NKTR: variants seen among roughly 807,000 people sequenced by gnomAD.
NKTR encodes the protein natural killer cell triggering receptor, also known as NK-tumor recognition protein.
Under a neutral mutation model 156.3 loss-of-function variants are expected in NKTR, and 67 were observed. The observed-to-expected ratio is 0.43, with a 90% CI of 0.35 to 0.53. The LOEUF is 0.53. Ranked by LOEUF, NKTR falls within the 20% of genes least tolerant of loss-of-function variation. The pLI is 0.01. For missense variants in NKTR, 1,604 were observed against 1,730.9 expected (o/e 0.93, Z 1.30); for synonymous variants, 640 against 596.6 (o/e 1.07, Z -1.06).
chr3:42,633,735 C>T lies in NKTR; in HGVS notation c.929C>T (p.Pro310Leu), dbSNP rs201338159. The change falls in exon 10 of 17, where the codon CCG becomes CTG. Residue 310 changes from proline (P) to leucine (L), a missense_variant and splice_region_variant. Physicochemically the swap from Pro to Leu is moderately conservative, Grantham distance 98 (BLOSUM62 -3). Around this residue, in one of 6 missense-constraint regions of NKTR, gnomAD observed 1,255 missense variants for 1,243.7 expected, o/e 1.01. Coordinates refer to ENST00000232978, the MANE Select transcript of NKTR (RefSeq NM_005385.4). Reference sequence around the variant, plus strand: ...CCTGTTGTTACTGCAGAACCTGAACCGTAAGTAGGATGACTAAACTATTTA... The same window carrying T: ...CCTGTTGTTACTGCAGAACCTGAACTGTAAGTAGGATGACTAAACTATTTA... ...DMPVVTAEPEPKIPDVAPIVS... is the reference protein window; with the variant it reads ...DMPVVTAEPELKIPDVAPIVS... 7.1e-5 allele frequency: 115 copies of T among 1,613,802 alleles called. No individual in the cohort carries two copies. The African/African-American group carries it at 1.2e-3, about 17-fold the overall frequency.
At chr3:42,632,500 G>T in intron 8 of NKTR, 101 bp from the exon 9 acceptor site, 1 of 686,238 alleles carries the variant, frequency 1.5e-6, no homozygotes, top group African/African-American at 1.8e-5. Flanking sequence ...TTTGTTTGCT[G>T]TATGTAAAGC....
intron 2 of NKTR, among the ~76,000 whole-genome samples, chr3:42,610,949 A>C (rs922912290): frequency 8.5e-5 from 13 of 152,094 alleles, no homozygotes; most frequent in Non-Finnish European, 1.9e-4. Flanking sequence ...TCTGTATACT[A>C]TCTTATAATT....
In NKTR at chr3:42,646,002, A is replaced by G. The variant is rs1710328801; in HGVS notation, c.*27A>G. On this transcript the variant is annotated 3_prime_UTR_variant, in exon 17 of 17. Transcript: ENST00000232978. ...AACGTCCGGATACAAATTATATCTT[A>G]TTTGTAAATATCTGGCAACTTAGCT... 4 of 1,511,322 alleles carry G rather than the reference A, an allele frequency of 2.6e-6. No individual in the cohort carries two copies. The East Asian group carries it at 9.0e-5, about 34-fold the overall frequency. The allele number at this position is 1,511,322 out of a possible 1,614,324, so 93.6% of individuals were successfully genotyped here. A position where few individuals can be genotyped will look rare whatever the true frequency, so the allele number is the denominator to read the frequency against.
chr3:42,603,595 T>C (rs1246406013), intron 2 of NKTR, among the ~76,000 whole-genome samples: 1 of 152,170 alleles, frequency 6.6e-6, no homozygotes, highest in Non-Finnish European at 1.5e-5. Context: ...GAACGCCGAA[T>C]CATATAAAAC....
intron 12 of NKTR, among the ~76,000 whole-genome samples, chr3:42,635,675 T>G (rs1709332072): frequency 6.6e-6 from 1 of 151,746 alleles, no homozygotes; most frequent in East Asian, 1.9e-4. Flanking sequence ...ATCCCAGCAC[T>G]TTGGGAGGCC....
rs775770377 is a variant in NKTR, at chr3:42,632,588, T to C, written c.551-13T>C. ...AATTTAGTACTAATGTTTTTATTAA[T>C]GTTTCTTAAAAGTTTTTGAGAAAAA... On this transcript the variant is annotated splice_polypyrimidine_tract_variant and intron_variant, in intron 8 of 16. Transcript: ENST00000232978. 2 of 1,546,994 alleles carry C rather than the reference T, an allele frequency of 1.3e-6. No individual in the cohort carries two copies. Among genetic ancestry groups the C allele is most frequent in the Admixed American group, 3.7e-5 (2 of 54,708 alleles).
chr3:42,623,244 AAATTAC>A (rs1204884719), intron 6 of NKTR, among the ~76,000 whole-genome samples: 1 of 152,114 alleles, frequency 6.6e-6, no homozygotes, highest in Non-Finnish European at 1.5e-5. Context: ...TTGAATCAAT[AAATTAC>A]AATTATAATT....
At position 42,631,151 on chromosome 3, in the gene NKTR, T is replaced by C. The variant is rs1334128256; in HGVS notation, c.405-20T>C. Reference sequence around the variant, plus strand: ...GCTTAATTATCAAACCAGTTGTTTCTTGAATTTGTATTATGACAGGGTGCA... The same window carrying C: ...GCTTAATTATCAAACCAGTTGTTTCCTGAATTTGTATTATGACAGGGTGCA... On this transcript the variant is annotated intron_variant, in intron 7 of 16. Transcript: ENST00000232978. 2 of 1,611,718 alleles carry C rather than the reference T, an allele frequency of 1.2e-6. No individual in the cohort carries two copies. Among genetic ancestry groups the C allele is most frequent in the Non-Finnish European group, 1.7e-6 (2 of 1,178,724 alleles).
At chr3:42,607,679 T>G (rs932374047) in intron 2 of NKTR, among the ~76,000 whole-genome samples, 6 of 152,104 alleles carry the variant, frequency 3.9e-5, no homozygotes, top group African/African-American at 1.4e-4. Flanking sequence ...TGAGTAAAAT[T>G]TGATATAGCC....
intron 9 of NKTR, chr3:42,633,375 A>C: frequency 2.2e-6 from 3 of 1,352,992 alleles, no homozygotes; most frequent in Non-Finnish European, 2.8e-6. Flanking sequence ...AGTTAGGATC[A>C]TTTAACAATT....
At chr3:42,605,714 A>G (rs1039776778) in intron 2 of NKTR, among the ~76,000 whole-genome samples, 5 of 152,188 alleles carry the variant, frequency 3.3e-5, no homozygotes, top group Non-Finnish European at 7.4e-5. Flanking sequence ...CTCCGCTCTC[A>G]AGGTCACCCT....
Position 42,632,652 on chromosome 3 carries a change from C to A in NKTR, c.602C>A (p.Ser201Tyr). ...ACTCATTCAGAAGGCTCGGATTCCT[C>A]TTCCAATTCCTCCTCTTCTTCAGAA... is the stretch of plus-strand genomic sequence containing the variant. ...KPTHSEGSDS[S>Y]SNSSSSSESS... is the part of the protein sequence containing the mutation. Residue 201 changes from serine (S) to tyrosine (Y), a missense_variant, in exon 9 of 17, where the codon TCT becomes TAT. Around this residue, in one of 6 missense-constraint regions of NKTR, gnomAD observed 1,255 missense variants for 1,243.7 expected, o/e 1.01. Coordinates refer to ENST00000232978, the MANE Select transcript of NKTR (RefSeq NM_005385.4). 1 of 1,613,968 alleles carries A rather than the reference C, an allele frequency of 6.2e-7. No homozygotes were observed. Among genetic ancestry groups the A allele is most frequent in the Non-Finnish European group, 8.5e-7 (1 of 1,179,948 alleles).
chr3:42,637,804 A>C lies in NKTR; in HGVS notation c.2100A>C (p.Arg700Ser), dbSNP rs1709555252. 1 of 1,613,966 alleles carries C rather than the reference A, an allele frequency of 6.2e-7. No homozygotes were observed. The highest frequency in any genetic ancestry group is 8.5e-7 in the Non-Finnish European group (1 of 1,179,958). ...PRSRSRSSRS[R>S]SYSRSYTRSR... ...CAAGGAGCAGATCTTCTAGGAGTAG[A>C]TCTTATTCCAGATCATATACAAGAT... Residue 700 changes from arginine to serine, a missense_variant, in exon 13 of 17, where the codon AGA becomes AGC. By Grantham distance (110) the Arg-to-Ser change is moderately radical. Around this residue, in one of 6 missense-constraint regions of NKTR, gnomAD observed 1,255 missense variants for 1,243.7 expected, o/e 1.01. Transcript: ENST00000232978.
At chr3:42,624,839 G>T (rs1708227780) in intron 6 of NKTR, among the ~76,000 whole-genome samples, 3 of 152,060 alleles carry the variant, frequency 2.0e-5, no homozygotes, top group Admixed American at 1.3e-4. Flanking sequence ...ATTAATTCTG[G>T]CTGTAATTTT....
intron 14 of NKTR, 68 bp downstream of exon 14, chr3:42,642,664 AG>A (rs1379803213): frequency 4.6e-6 from 5 of 1,075,792 alleles, no homozygotes; most frequent in East Asian, 2.4e-5. Flanking sequence ...ACATAGGCAG[AG>A]GGGGTAGTTG....
Position 42,632,672 on chromosome 3 carries a change from T to C in NKTR, c.622T>C (p.Ser208Pro). Residue 208 changes from serine to proline, a missense_variant, in exon 9 of 17, where the codon TCA (serine) becomes CCA (proline). By Grantham distance (74) the Ser-to-Pro change is moderately conservative (BLOSUM62 -1). Transcript: ENST00000232978. ...TTCCTCTTCCAATTCCTCCTCTTCT[T>C]CAGAATCATCTTCAGAAAGTGAACT... is the stretch of plus-strand genomic sequence containing the variant. ...SDSSSNSSSS[S>P]ESSSESELEH... 6.2e-7 allele frequency: 1 copy of C among 1,613,932 alleles called. No homozygotes were observed. Among genetic ancestry groups the C allele is most frequent in the Non-Finnish European group, 8.5e-7 (1 of 1,179,906 alleles).
intron 16 of NKTR, 27 bp downstream of exon 16, chr3:42,644,030 T>C: frequency 6.5e-7 from 1 of 1,540,272 alleles, no homozygotes. Flanking sequence ...TATCGTCCTT[T>C]ATCGCACTGT....
Position 42,617,595 on chromosome 3 carries a change from C to T in NKTR, c.84C>T (p.Phe28=), listed in dbSNP as rs776243468. The change falls in exon 3 of 17, where the codon TTC becomes TTT. Residue 28 remains phenylalanine (F), a synonymous_variant. Transcript: ENST00000232978. ...EPVGRIMFQL[F]SDICPKTCKN... ...TTGGTCGCATTATGTTTCAGCTCTTCTCAGACATATGTCCAAAAACATGCA... is the reference window on the plus strand; with the variant it reads ...TTGGTCGCATTATGTTTCAGCTCTTTTCAGACATATGTCCAAAAACATGCA... 7.5e-6 allele frequency: 12 copies of T among 1,603,542 alleles called. No individual in the cohort carries two copies. The highest frequency in any genetic ancestry group is 1.0e-5 in the Non-Finnish European group (12 of 1,170,982).
chr3:42,639,335 A>G lies in NKTR; in HGVS notation c.3631A>G (p.Lys1211Glu), dbSNP rs1269725900. The change falls in exon 13 of 17, where the codon AAG becomes GAG. Residue 1211 changes from lysine to glutamate, a missense_variant. Lys to Glu is a moderately conservative substitution (Grantham distance 56). Coordinates refer to ENST00000232978, the MANE Select transcript of NKTR (RefSeq NM_005385.4). ...TAGTGCTGGAGAAAGTACCGGGAAG[A>G]AGGAGGTGGCTGAGAAGAGCCAGAT... ...LASAGESTGKKEVAEKSQINL... is the reference protein window; with the variant it reads ...LASAGESTGKEEVAEKSQINL... 3.1e-6 allele frequency: 5 copies of G among 1,614,042 alleles called. No homozygotes were observed. Among genetic ancestry groups the G allele is most frequent in the African/African-American group, 2.7e-5 (2 of 74,914 alleles).
Sources: allele counts gnomAD v4.1 joint callset (sites outside exome capture counted in the v4.1 genomes callset), GRCh38; gene constraint gnomAD v4.1.1; regional missense constraint gnomAD v4.1.1; transcripts MANE v1.5; gene names NCBI Gene and HGNC (gene_info 2026-07-23, HGNC 2026-07-21).